Variants in SIRT1 observed in about 807,000 individuals in gnomAD.
SIRT1 encodes sirtuin 1.
Under a neutral mutation model 67.9 loss-of-function variants are expected in SIRT1, and 24 were observed. That is an observed-to-expected ratio of 0.35 (90% CI 0.26 to 0.50). SIRT1 has a LOEUF of 0.50. Among genes scored for constraint, SIRT1 ranks in the 20% least tolerant of loss-of-function variants. SIRT1 has a pLI of 0.98. For synonymous variants in SIRT1, 378 were observed against 350.7 expected, an observed-to-expected ratio of 1.08 and a Z score of -0.87; for missense variants, 873 against 937.2, an observed-to-expected ratio of 0.93 and a Z score of 0.89.
chr10:67,901,384 T>C (rs1309064631), intron 4 of SIRT1, among the ~76,000 whole-genome samples: 2 of 152,190 alleles, frequency 1.3e-5, no homozygotes, highest in African/African-American at 4.8e-5. Context: ...AGGGCTCTGC[T>C]ACTTACTTGC....
intron 7 of SIRT1, among the ~76,000 whole-genome samples, chr10:67,909,943 C>G (rs1035920841): frequency 9.2e-5 from 14 of 152,088 alleles, no homozygotes; most frequent in African/African-American, 3.4e-4. Context: ...AACTCCTGGG[C>G]TCAAGTGATC....
chr10:67,889,160 A>G (rs1378205192), intron 3 of SIRT1, 37 bp downstream of exon 3: 2 of 1,540,658 alleles, frequency 1.3e-6, no homozygotes, highest in Middle Eastern at 1.8e-4. Flanking sequence ...TCGTATATGT[A>G]TTTTCTTATG....
chr10:67,906,250 C>T (rs972746118), intron 4 of SIRT1: 1 of 1,582,622 alleles, frequency 6.3e-7, no homozygotes, highest in African/African-American at 1.3e-5. Context: ...CTATACTATA[C>T]CAGTATGTGC....
chr10:67,911,027 C>T (rs1842891730), intron 7 of SIRT1, among the ~76,000 whole-genome samples: 1 of 152,116 alleles, frequency 6.6e-6, no homozygotes, highest in African/African-American at 2.4e-5. Context: ...TCCCATATCT[C>T]GTGGCTTTAG....
rs2131841891 is a variant in SIRT1, at chr10:67,885,008, C to T, written c.287C>T (p.Ala96Val). The change falls in exon 1 of 9, where the codon GCG becomes GTG. Residue 96 changes from alanine (A) to valine (V), a missense_variant. Physicochemically the swap from Ala to Val is moderately conservative, Grantham distance 64 (BLOSUM62 0). Transcript: ENST00000212015. ...AGGEQEAQAT[A>V]AAGEGDNGPG... ...GGGGAGCAAGAGGCCCAGGCGACTG[C>T]GGCGGCTGGGGAAGGAGACAATGGG... 2 of 1,314,474 alleles carry T rather than the reference C, an allele frequency of 1.5e-6. No homozygotes were observed. Among genetic ancestry groups the T allele is most frequent in the East Asian group, 6.2e-5 (2 of 32,130 alleles). 81.4% of individuals were successfully genotyped at this position (1,314,474 alleles called of 1,614,324 possible).
chr10:67,889,790 C>T (rs1306412400), intron 3 of SIRT1, among the ~76,000 whole-genome samples: 3 of 152,076 alleles, frequency 2.0e-5, no homozygotes, highest in Non-Finnish European at 4.4e-5. Context: ...GTATGTTTTG[C>T]TCACAGATAA....
At chr10:67,904,123 G>GTTTTTTTTTTT (rs1262495636) in intron 4 of SIRT1, among the ~76,000 whole-genome samples, 3 of 115,446 alleles carry the variant, frequency 2.6e-5, no homozygotes, top group African/African-American at 3.6e-5. Context: ...AGTTTTTTTT[G>GTTTTTTTTTTT]TTTGTTTTTT....
chr10:67,910,821 CTAGTT>C (rs1439637284), intron 7 of SIRT1, among the ~76,000 whole-genome samples: 3 of 152,190 alleles, frequency 2.0e-5, no homozygotes, highest in African/African-American at 7.2e-5. Flanking sequence ...GTTTCCTCCT[CTAGTT>C]TAGAATCAGA....
chr10:67,910,840 GGA>G (rs1179798394), intron 7 of SIRT1, among the ~76,000 whole-genome samples: 7 of 152,142 alleles, frequency 4.6e-5, no homozygotes, highest in Admixed American at 1.3e-4. Flanking sequence ...AATCAGAGGA[GGA>G]GAGAGAGAGA....
intron 4 of SIRT1, among the ~76,000 whole-genome samples, chr10:67,902,707 C>T (rs1842762072): frequency 6.6e-6 from 1 of 152,136 alleles, no homozygotes; most frequent in South Asian, 2.1e-4. Context: ...TACTTAACTG[C>T]CTCCATCTGA....
In SIRT1 at chr10:67,912,514, A is replaced by G. The variant is rs187963015; in HGVS notation, c.1398A>G (p.Arg466=). Residue 466 remains arginine, a synonymous_variant, in exon 8 of 9, where the codon AGA becomes AGG. Transcript: ENST00000212015. ...PHEVPQILIN[R]EPLPHLHFDV... ...AAGTGCCTCAGATATTAATTAATAG[A>G]GAACCTTTGCCTCATCTGCATTTTG... is the stretch of plus-strand genomic sequence containing the variant. 9.3e-6 allele frequency: 15 copies of G among 1,613,386 alleles called. No individual in the cohort carries two copies. The East Asian group carries it at 3.3e-4, about 36-fold the overall frequency.
chr10:67,891,636 T>TTAA, intron 4 of SIRT1, 82 bp downstream of exon 4: 1 of 1,385,736 alleles, frequency 7.2e-7, no homozygotes, highest in East Asian at 2.3e-5. Flanking sequence ...CTTAAGGTTA[T>TTAA]CGTTCATTGT....
chr10:67,893,264 A>G (rs1842602028), intron 4 of SIRT1, among the ~76,000 whole-genome samples: 1 of 152,152 alleles, frequency 6.6e-6, no homozygotes, highest in African/African-American at 2.4e-5. Context: ...CCCCACATTC[A>G]TTAGGTATTT....
Position 67,916,516 on chromosome 10 carries a change from G to C in SIRT1, c.2167G>C (p.Asp723His), listed in dbSNP as rs1299110584. 1 of 1,614,130 alleles carries C rather than the reference G, an allele frequency of 6.2e-7. No homozygotes were observed. The highest frequency in any genetic ancestry group is 8.5e-7 in the Non-Finnish European group (1 of 1,180,026). Residue 723 changes from aspartate (D) to histidine (H), a missense_variant, in exon 9 of 9, where the codon GAT (aspartate) becomes CAT (histidine). Coordinates refer to ENST00000212015, the MANE Select transcript of SIRT1 (RefSeq NM_012238.5). ...AGCTGGATTTGGGACTGATGGAGAT[G>C]ATCAAGAGGCAATTAATGAAGCTAT... is the stretch of plus-strand genomic sequence containing the variant. ...GGAGFGTDGD[D>H]QEAINEAISV... is the part of the protein sequence containing the mutation.
rs201734305 is a variant in SIRT1, at chr10:67,908,140, A to G, written c.1170+15A>G. ...TTTTTAATCAGGTAATTTGTTGCCC[A>G]TATTTTAGGAATTGTTCATGTCTCT... On this transcript the variant is annotated intron_variant, in intron 6 of 8. Transcript: ENST00000212015. The G allele has an allele frequency of 2.8e-5, 45 of 1,605,226 alleles. No individual in the cohort carries two copies. The African/African-American group carries it at 4.7e-4, about 17-fold the overall frequency.
At chr10:67,889,988 C>CT (rs1468152561) in intron 3 of SIRT1, among the ~76,000 whole-genome samples, 9 of 135,570 alleles carry the variant, frequency 6.6e-5, no homozygotes, top group Non-Finnish European at 1.4e-4. Context: ...TTTTTTTTTT[C>CT]TTTTTTTTGG....
In SIRT1 at chr10:67,912,517, A is replaced by G. The variant is rs1406225734; in HGVS notation, c.1401A>G (p.Glu467=). Residue 467 remains glutamate (E), a synonymous_variant, in exon 8 of 9, where the codon GAA becomes GAG. Transcript: ENST00000212015. ...HEVPQILINR[E]PLPHLHFDVE... is the part of the protein sequence containing the mutation. ...TGCCTCAGATATTAATTAATAGAGA[A>G]CCTTTGCCTCATCTGCATTTTGATG... is the stretch of plus-strand genomic sequence containing the variant. The G allele has an allele frequency of 3.1e-6, 5 of 1,613,594 alleles. 1 individual carries two copies. In the South Asian group the frequency reaches 5.5e-5, roughly 18 times the overall value.
chr10:67,904,123 GTTTGTTTTTTTTTTTT>G (rs1339771063), intron 4 of SIRT1, among the ~76,000 whole-genome samples: 2 of 115,450 alleles, frequency 1.7e-5, no homozygotes, highest in African/African-American at 3.6e-5. Context: ...AGTTTTTTTT[GTTTGTTTTTTTTTTTT>G]TTTTTTTTAA....
At chr10:67,915,642 A>C (rs1261947591) in intron 8 of SIRT1, among the ~76,000 whole-genome samples, 1 of 152,226 alleles carries the variant, frequency 6.6e-6, no homozygotes, top group African/African-American at 2.4e-5. Context: ...TGTGGTGACT[A>C]CATTATTGAC....
Sources: allele counts gnomAD v4.1 joint callset (sites outside exome capture counted in the v4.1 genomes callset), GRCh38; gene constraint gnomAD v4.1.1; transcripts MANE v1.5; gene names NCBI Gene and HGNC (gene_info 2026-07-23, HGNC 2026-07-21).